Variants in TARBP1 observed in about 807,000 individuals in gnomAD.
The protein encoded by TARBP1 is tRNA guanosine 2 -O-methyltransferase TARBP1.
A neutral mutation model predicts 178.6 loss-of-function variants in TARBP1; 144 were observed. The ratio of observed to expected loss-of-function variants is 0.81; its 90% CI spans 0.70 to 0.93. TARBP1 has a LOEUF of 0.93. Among genes scored for constraint, TARBP1 ranks in the 40% least tolerant of loss-of-function variants. The pLI, the probability that TARBP1 is intolerant of heterozygous loss-of-function variation, is 0.00. For synonymous variants in TARBP1, 787 were observed against 781.0 expected (o/e 1.01, Z -0.13); for missense variants, 2,067 against 2,011.7 (o/e 1.03, Z -0.53).
chr1:234,431,934 C>T (rs566743920), intron 14 of TARBP1, among the ~76,000 whole-genome samples: 2 of 151,832 alleles, frequency 1.3e-5, no homozygotes, highest in East Asian at 3.9e-4. Flanking sequence ...GTCAGGAGTT[C>T]GAAACCAGCC....
chr1:234,414,642 T>G (rs1156994745), intron 22 of TARBP1, among the ~76,000 whole-genome samples: 1 of 152,132 alleles, frequency 6.6e-6, no homozygotes, highest in Non-Finnish European at 1.5e-5. Context: ...GAGAAGTAAC[T>G]GAACTGGAAG....
intron 23 of TARBP1, chr1:234,406,324 T>C (rs1661236776): frequency 1.8e-6 from 1 of 550,020 alleles, no homozygotes; most frequent in Non-Finnish European, 3.2e-6. Context: ...TAGTTTTCAT[T>C]AATGCTGCAG....
Position 234,418,111 on chromosome 1 carries a change from A to C in TARBP1, c.3678T>G (p.Leu1226=), listed in dbSNP as rs762442382. Residue 1226 remains leucine, a synonymous_variant, in exon 22 of 30, where the codon CTT becomes CTG. Coordinates refer to ENST00000040877, the MANE Select transcript of TARBP1 (RefSeq NM_005646.4). The part of the protein sequence containing the change: ...ILILHKFPQF[L]PKFWDCFSYG... ...AAGAAAAACAATCCCAGAACTTTGG[A>C]AGAAATTGAGGGAATTTATGAAGAA... The C allele has an allele frequency of 5.6e-6, 8 of 1,439,216 alleles. No homozygotes were observed. Among genetic ancestry groups the C allele is most frequent in the Non-Finnish European group, 7.4e-6 (8 of 1,078,908 alleles). The allele number at this position is 1,439,216 out of a possible 1,614,324, so 89.2% of individuals were successfully genotyped here.
chr1:234,454,248 G>A (rs935087882), intron 9 of TARBP1, among the ~76,000 whole-genome samples: 1 of 152,206 alleles, frequency 6.6e-6, no homozygotes, highest in African/African-American at 2.4e-5. Flanking sequence ...ACTAGCTGCA[G>A]TGAATAGGCC....
chr1:234,421,373 G>A (rs1663071721), intron 20 of TARBP1, among the ~76,000 whole-genome samples: 1 of 152,196 alleles, frequency 6.6e-6, no homozygotes, highest in Admixed American at 6.5e-5. Context: ...ACAGGCATGA[G>A]CCATGGCGCC....
In TARBP1 at chr1:234,478,260, T is replaced by A; in HGVS notation, c.844A>T (p.Lys282Ter). ...CTCTGCAGCAGGTAGCGCGCTCGCT[T>A]GCGCGTCAGGGCGTCCGCCTGGCCC... The part of the protein sequence containing the change: ...GLGQADALTR[K>*]RARYLLQRAV... The change falls in exon 1 of 30, where the codon AAG becomes TAG. Residue 282 changes from lysine (K) to a stop codon, truncating the protein, a stop_gained. Coordinates refer to ENST00000040877, the MANE Select transcript of TARBP1 (RefSeq NM_005646.4). LOFTEE classifies it high-confidence loss of function. 1 of 1,605,614 alleles carries A rather than the reference T, an allele frequency of 6.2e-7. No homozygotes were observed. The highest frequency in any genetic ancestry group is 8.5e-7 in the Non-Finnish European group (1 of 1,177,506).
chr1:234,419,490 GAAGGTTA>G (rs1331201855), intron 21 of TARBP1, among the ~76,000 whole-genome samples: 10 of 152,240 alleles, frequency 6.6e-5, no homozygotes, highest in East Asian at 5.8e-4. Context: ...AGACTATCAT[GAAGGTTA>G]AACAAAACCA....
intron 3 of TARBP1, 81 bp downstream of exon 3, chr1:234,471,107 T>G (rs1405862561): frequency 1.9e-6 from 2 of 1,063,366 alleles, no homozygotes; most frequent in Non-Finnish European, 2.7e-6. Flanking sequence ...TTCAAAATTC[T>G]CTACAATGAA....
intron 10 of TARBP1, among the ~76,000 whole-genome samples, chr1:234,449,295 A>G (rs369020030): frequency 6.6e-6 from 1 of 152,234 alleles, no homozygotes; most frequent in South Asian, 2.1e-4. Context: ...AAAGAAGTGG[A>G]GGAAAAATGT....
chr1:234,417,943 G>T, intron 22 of TARBP1, 141 bp downstream of exon 22: 1 of 442,056 alleles, frequency 2.3e-6, no homozygotes. Flanking sequence ...AATTAATTCA[G>T]ATCTTGCAAA....
rs375910310 is a variant in TARBP1, at chr1:234,418,086, A to G, written c.3703T>C (p.Tyr1235His). 180 of 1,328,748 alleles carry G rather than the reference A, an allele frequency of 1.4e-4. No homozygotes were observed. Among genetic ancestry groups the G allele is most frequent in the Non-Finnish European group, 1.8e-4 (176 of 994,066 alleles). 82.3% of individuals were successfully genotyped at this position (1,328,748 alleles called of 1,614,324 possible). The change falls in exon 22 of 30, where the codon TAT becomes CAT. Residue 1235 changes from tyrosine to histidine, a missense_variant and splice_region_variant. Transcript: ENST00000040877. ...FLPKFWDCFS[Y>H]GEENLKTSIC... ...TATAAAAAATATTCTTTACTTACAT[A>G]AGAAAAACAATCCCAGAACTTTGGA...
intron 20 of TARBP1, among the ~76,000 whole-genome samples, chr1:234,423,613 G>A (rs966046307): frequency 5.3e-5 from 8 of 151,990 alleles, no homozygotes; most frequent in South Asian, 4.2e-4. Flanking sequence ...CAACCTCCTC[G>A]TCCTCCACGC....
chr1:234,461,132 T>C (rs963602467), intron 6 of TARBP1, among the ~76,000 whole-genome samples: 1 of 152,204 alleles, frequency 6.6e-6, no homozygotes, highest in Non-Finnish European at 1.5e-5. Flanking sequence ...TGTACAACTT[T>C]GTGAATACAC....
chr1:234,394,197 T>TA (rs2103028077), intron 26 of TARBP1, among the ~76,000 whole-genome samples: 1 of 152,346 alleles, frequency 6.6e-6, no homozygotes, highest in South Asian at 2.1e-4. Context: ...AAAATAATGA[T>TA]GTATCTTACA....
Position 234,479,117 on chromosome 1 carries a change from G to T in TARBP1, c.-14C>A, listed in dbSNP as rs1317989517. On this transcript the variant is annotated 5_prime_UTR_variant, in exon 1 of 30. Coordinates refer to ENST00000040877, the MANE Select transcript of TARBP1 (RefSeq NM_005646.4). The stretch of plus-strand genomic sequence containing the variant: ...CACCCACTCCATTTGCCGAGCGCCC[G>T]CGCCACCGGCCCGGGCTCCCAAAGG... 2.0e-6 allele frequency: 3 copies of T among 1,522,446 alleles called. No individual in the cohort carries two copies. Among genetic ancestry groups the T allele is most frequent in the Non-Finnish European group, 2.6e-6 (3 of 1,148,658 alleles). 94.3% of individuals were successfully genotyped at this position (1,522,446 alleles called of 1,614,324 possible). A position where few individuals can be genotyped will look rare whatever the true frequency, so the allele number is the denominator to read the frequency against.
intron 1 of TARBP1, among the ~76,000 whole-genome samples, chr1:234,477,314 C>G (rs1038924511): frequency 6.6e-6 from 1 of 152,228 alleles, no homozygotes; most frequent in African/African-American, 2.4e-5. Context: ...TATCTGTGGA[C>G]TGTTCAAATA....
At chr1:234,404,965 G>T (rs1449793608) in intron 24 of TARBP1, among the ~76,000 whole-genome samples, 1 of 152,162 alleles carries the variant, frequency 6.6e-6, no homozygotes, top group Non-Finnish European at 1.5e-5. Context: ...GCGGGCCAGG[G>T]AGGTACCCTC....
At chr1:234,401,158 T>C (rs773912849) in intron 25 of TARBP1, 23 bp downstream of exon 25, 2 of 1,586,912 alleles carry the variant, frequency 1.3e-6, no homozygotes, top group South Asian at 2.2e-5. Flanking sequence ...ATAGAGAATT[T>C]ACAAATGATA....
At chr1:234,464,925 T>G (rs1273235020) in intron 5 of TARBP1, among the ~76,000 whole-genome samples, 1 of 152,196 alleles carries the variant, frequency 6.6e-6, no homozygotes, top group South Asian at 2.1e-4. Context: ...ACTTTAACTG[T>G]GGCCTATAAG....
Sources: gnomAD v4.1 joint callset for allele counts (sites outside exome capture counted in the v4.1 genomes callset) on GRCh38, gnomAD v4.1.1 for gene constraint, MANE v1.5 for transcripts, NCBI Gene and HGNC (gene_info 2026-07-23, HGNC 2026-07-21) for gene names.